The following GUCY1A2 variants were observed in gnomAD, a reference collection of about 807,000 sequenced individuals.
The protein encoded by GUCY1A2 is guanylate cyclase soluble subunit alpha-2.
Under a neutral mutation model 63.5 loss-of-function variants are expected in GUCY1A2, and 27 were observed. The ratio of observed to expected loss-of-function variants is 0.43; its 90% CI spans 0.31 to 0.59. The LOEUF (loss-of-function observed/expected upper bound fraction) is 0.59. Among genes scored for constraint, GUCY1A2 ranks in the 20% least tolerant of loss-of-function variants. The pLI, the probability that GUCY1A2 is intolerant of heterozygous loss-of-function variation, is 0.11. For missense variants in GUCY1A2, 768 were observed against 913.3 expected, an observed-to-expected ratio of 0.84 and a Z score of 2.05; for synonymous variants, 364 against 343.5, an observed-to-expected ratio of 1.06 and a Z score of -0.66.
At chr11:106,942,545 G>A (rs921924576) in intron 3 of GUCY1A2, among the ~76,000 whole-genome samples, 3 of 62,386 alleles carry the variant, frequency 4.8e-5, no homozygotes, top group Non-Finnish European at 1.5e-4. Flanking sequence ...AATATTCCGT[G>A]TGTCACTGAA....
chr11:107,002,708 T>C (rs756528033), intron 1 of GUCY1A2, among the ~76,000 whole-genome samples: 6 of 152,226 alleles, frequency 3.9e-5, no homozygotes, highest in Admixed American at 1.3e-4. Flanking sequence ...ATTTCATACC[T>C]GATTTGACAT....
At chr11:107,003,388 CA>C (rs774917270) in intron 1 of GUCY1A2, among the ~76,000 whole-genome samples, 2 of 152,044 alleles carry the variant, frequency 1.3e-5, no homozygotes. Context: ...TACAAACACA[CA>C]AAAAAATCCT....
chr11:106,793,379 C>A (rs190639310), intron 5 of GUCY1A2, among the ~76,000 whole-genome samples: 367 of 152,180 alleles, frequency 2.4e-3, no homozygotes, highest in Non-Finnish European at 3.6e-3. Context: ...AAATGTGAGT[C>A]CCAAAACTGT....
At chr11:106,787,539 A>C (rs116921146) in intron 5 of GUCY1A2, among the ~76,000 whole-genome samples, 1 of 11,984 alleles carries the variant, frequency 8.3e-5, no homozygotes, top group Non-Finnish European at 1.7e-4. Flanking sequence ...AGAGAGAAAG[A>C]GAGAAAGATA....
intron 4 of GUCY1A2, among the ~76,000 whole-genome samples, chr11:106,843,125 C>G (rs923207903): frequency 6.6e-6 from 1 of 151,866 alleles, no homozygotes. Flanking sequence ...CCATAAGGCT[C>G]TGCTTGTGAA....
chr11:106,733,284 G>T (rs1433955047), intron 6 of GUCY1A2, among the ~76,000 whole-genome samples: 1 of 151,232 alleles, frequency 6.6e-6, no homozygotes, highest in Non-Finnish European at 1.5e-5. Flanking sequence ...GGGTCAGGAT[G>T]TAAAATGTAT....
chr11:106,758,144 G>C (rs539087962), intron 6 of GUCY1A2, among the ~76,000 whole-genome samples: 38 of 152,274 alleles, frequency 2.5e-4, no homozygotes, highest in Non-Finnish European at 3.7e-4. Context: ...TACACTGTGG[G>C]CATAATACCA....
At chr11:106,772,147 A>G (rs1193948815) in intron 6 of GUCY1A2, among the ~76,000 whole-genome samples, 2 of 152,216 alleles carry the variant, frequency 1.3e-5, no homozygotes, top group African/African-American at 2.4e-5. Flanking sequence ...GGCATTACCA[A>G]TCATTTCCAA....
At chr11:106,734,655 A>T (rs1311497153) in intron 6 of GUCY1A2, among the ~76,000 whole-genome samples, 1 of 152,150 alleles carries the variant, frequency 6.6e-6, no homozygotes, top group Non-Finnish European at 1.5e-5. Context: ...CTGTGAAGTT[A>T]TTGCCAAAGT....
At chr11:106,697,884 T>C (rs573059485) in intron 7 of GUCY1A2, among the ~76,000 whole-genome samples, 9 of 152,182 alleles carry the variant, frequency 5.9e-5, no homozygotes, top group African/African-American at 2.2e-4. Flanking sequence ...CCCATGATCA[T>C]GGCCTTAGTT....
chr11:106,949,018 T>C (rs1260207379), intron 3 of GUCY1A2, among the ~76,000 whole-genome samples: 2 of 152,174 alleles, frequency 1.3e-5, no homozygotes, highest in Non-Finnish European at 2.9e-5. Context: ...TGATTTTGTA[T>C]GATATAAAGC....
At chr11:106,891,027 A>G (rs1211457740) in intron 4 of GUCY1A2, among the ~76,000 whole-genome samples, 1 of 152,182 alleles carries the variant, frequency 6.6e-6, no homozygotes, top group Non-Finnish European at 1.5e-5. Flanking sequence ...GGGTAGAAGT[A>G]TGATTAACAT....
At chr11:106,859,884 T>C (rs983870755) in intron 4 of GUCY1A2, among the ~76,000 whole-genome samples, 4 of 151,920 alleles carry the variant, frequency 2.6e-5, no homozygotes, top group African/African-American at 9.7e-5. Context: ...GGCTCTACCA[T>C]CTAGATTTGT....
At chr11:106,934,856 G>T (rs1337724920) in intron 4 of GUCY1A2, among the ~76,000 whole-genome samples, 1 of 152,064 alleles carries the variant, frequency 6.6e-6, no homozygotes, top group Non-Finnish European at 1.5e-5. Flanking sequence ...AATGTCAAAA[G>T]AACTCATGTT....
intron 6 of GUCY1A2, among the ~76,000 whole-genome samples, chr11:106,769,843 C>T (rs893973075): frequency 3.3e-5 from 5 of 151,902 alleles, no homozygotes; most frequent in Admixed American, 2.0e-4. Flanking sequence ...TTTCTGACCC[C>T]TTAGGTTTTT....
intron 3 of GUCY1A2, among the ~76,000 whole-genome samples, chr11:106,971,385 T>G (rs906292635): frequency 1.3e-5 from 2 of 152,082 alleles, no homozygotes; most frequent in African/African-American, 4.8e-5. Context: ...GTGGACACTA[T>G]AAAGCTTTAT....
intron 3 of GUCY1A2, among the ~76,000 whole-genome samples, chr11:106,973,930 G>T (rs1392299341): frequency 6.6e-6 from 1 of 151,842 alleles, no homozygotes; most frequent in Non-Finnish European, 1.5e-5. Context: ...AATCGTCTTG[G>T]CAACTCTAGG....
intron 5 of GUCY1A2, among the ~76,000 whole-genome samples, chr11:106,802,804 T>TCC (rs200952434): frequency 0.013 from 1,965 of 152,218 alleles, 28 homozygotes; most frequent in South Asian, 0.049. Flanking sequence ...ATCATTGAAG[T>TCC]CCCCACCTTC....
At chr11:106,963,206 C>T (rs886734562) in intron 3 of GUCY1A2, among the ~76,000 whole-genome samples, 1 of 151,954 alleles carries the variant, frequency 6.6e-6, no homozygotes, top group African/African-American at 2.4e-5. Flanking sequence ...GTCAGGGAAG[C>T]AATAAAAAAA....
Sources: allele counts gnomAD v4.1 joint callset (sites outside exome capture counted in the v4.1 genomes callset), GRCh38; gene constraint gnomAD v4.1.1; transcripts MANE v1.5; gene names NCBI Gene and HGNC (gene_info 2026-07-23, HGNC 2026-07-21).